NBPF3: variants seen among roughly 807,000 people sequenced by gnomAD.
The protein encoded by NBPF3 is NBPF member 3, also known as NBPF family member NBPF3.
Under a neutral mutation model 78.1 loss-of-function variants are expected in NBPF3, and 57 were observed. The ratio of observed to expected loss-of-function variants is 0.73; its 90% CI spans 0.59 to 0.91. NBPF3 has a LOEUF of 0.91. Among genes scored for constraint, NBPF3 ranks in the 40% least tolerant of loss-of-function variants. The pLI is 0.00. For missense variants in NBPF3, 510 were observed against 715.3 expected, an observed-to-expected ratio of 0.71 and a Z score of 3.27; for synonymous variants, 182 against 271.7, an observed-to-expected ratio of 0.67 and a Z score of 3.25.
At position 21,445,199 on chromosome 1, in the gene NBPF3, A is replaced by G. The variant is rs1488381645; in HGVS notation, c.113A>G (p.Gln38Arg). The part of the protein sequence containing the change: ...RAASHGVGRH[Q>R]ELRDPTVPGP... ...GCCTCACATGGTGTGGGCCGACATC[A>G]AGAGCTGCGAGATCCAACAGGTAAA... is the stretch of plus-strand genomic sequence containing the variant. The change falls in exon 2 of 15, where the codon CAA becomes CGA. Residue 38 changes from glutamine (Q) to arginine (R), a missense_variant. By Grantham distance (43) the Gln-to-Arg change is conservative (BLOSUM62 1). This residue lies in a region of NBPF3 where 440 missense variants were observed against 478.2 expected (regional missense o/e 0.92). Transcript: ENST00000318249. The G allele has an allele frequency of 1.2e-6, 2 of 1,611,794 alleles. No homozygotes were observed. Among genetic ancestry groups the G allele is most frequent in the Admixed American group, 1.7e-5 (1 of 60,000 alleles).
At chr1:21,467,243 C>T in intron 2 of NBPF3, 1 of 985,410 alleles carries the variant, frequency 1.0e-6, no homozygotes, top group Non-Finnish European at 1.2e-6. Flanking sequence ...TGATCCAGTC[C>T]TCCTTCCTTC....
At chr1:21,453,633 G>C (rs186122433) in intron 2 of NBPF3, 1 of 152,400 alleles carries the variant, frequency 6.6e-6, no homozygotes, top group East Asian at 1.9e-4. Context: ...GCAGGGATAT[G>C]TGGTGGTTAC....
At position 21,476,833 on chromosome 1, in the gene NBPF3, G is replaced by A. The variant is rs1196884357; in HGVS notation, c.993-1311G>A. Among the ~76,000 whole-genome samples, 2 of 152,124 alleles carry A rather than the reference G, an allele frequency of 1.3e-5. No individual in the cohort carries two copies. Among genetic ancestry groups the A allele is most frequent in the Admixed American group, 6.6e-5 (1 of 15,266 alleles). On this transcript the variant is annotated intron_variant, in intron 8 of 14. Transcript: ENST00000318249. This position sits in a 1 kb window ranked among gnomAD's most constrained non-coding sequence, Gnocchi z 4.1. ...TTTGAATGTTGGCCTGCTTTGCTAG[G>A]TTGGGGAAGTTCTCCTGGATAATAT...
At chr1:21,472,766 C>T (rs1454451811) in intron 5 of NBPF3, 77 bp from the exon 6 acceptor site, 22 of 998,990 alleles carry the variant, frequency 2.2e-5, no homozygotes, top group Non-Finnish European at 2.6e-5. Context: ...ATGTTCATGT[C>T]TGTGTGCACA....
chr1:21,451,077 T>G (rs1641283541), intron 2 of NBPF3, among the ~76,000 whole-genome samples: 1 of 152,196 alleles, frequency 6.6e-6, no homozygotes, highest in African/African-American at 2.4e-5. Context: ...CCATTATTAT[T>G]TATCTTTTTT....
chr1:21,449,533 G>A (rs1641182006), intron 2 of NBPF3, among the ~76,000 whole-genome samples: 2 of 152,020 alleles, frequency 1.3e-5, no homozygotes, highest in Admixed American at 6.6e-5. Flanking sequence ...ATGTAATGGC[G>A]TGATCTAGCT....
intron 2 of NBPF3, among the ~76,000 whole-genome samples, chr1:21,456,337 C>A (rs1209015581): frequency 1.3e-5 from 2 of 152,112 alleles, no homozygotes; most frequent in African/African-American, 4.8e-5. Flanking sequence ...CAAGATAGAC[C>A]ACATATGCTG....
At chr1:21,447,780 T>TGGAAAGTTCTGGTTGCTCCTCAAA (rs1234138681) in intron 2 of NBPF3, among the ~76,000 whole-genome samples, 2 of 152,232 alleles carry the variant, frequency 1.3e-5, no homozygotes, top group East Asian at 1.9e-4. Context: ...CCACTAGCGA[T>TGGAAAGTTCTGGTTGCTCCTCAAA]GGAAAGTTCT....
In NBPF3 at chr1:21,460,398, T is replaced by C. The variant is rs1445922968; in HGVS notation, c.134-8290T>C. Among the ~76,000 whole-genome samples, 1 of 152,162 alleles carries C rather than the reference T, an allele frequency of 6.6e-6. No individual in the cohort carries two copies. The highest frequency in any genetic ancestry group is 1.5e-5 in the Non-Finnish European group (1 of 68,024). ...AGCCCCCAACCCCAGGGACAGGCCG[T>C]GGTGTGTGATGTTCCCCGCCCTGTG... On this transcript the variant is annotated intron_variant, in intron 2 of 14. Transcript: ENST00000318249. The surrounding 1 kb of genome is among the most constrained non-coding windows in gnomAD (Gnocchi z 4.2).
At chr1:21,467,651 G>T (rs1298158581) in intron 2 of NBPF3, among the ~76,000 whole-genome samples, 1 of 152,166 alleles carries the variant, frequency 6.6e-6, no homozygotes, top group Non-Finnish European at 1.5e-5. Flanking sequence ...AAAACAAAAT[G>T]GAAACAACAA....
chr1:21,475,009 T>G, intron 8 of NBPF3, 58 bp downstream of exon 8: 1 of 1,475,984 alleles, frequency 6.8e-7, no homozygotes, highest in Non-Finnish European at 9.4e-7. Flanking sequence ...GTTTGTAGAT[T>G]TAGAGAAAAT....
intron 2 of NBPF3, among the ~76,000 whole-genome samples, chr1:21,457,661 A>C (rs918801666): frequency 2.6e-5 from 4 of 152,320 alleles, no homozygotes; most frequent in African/African-American, 9.6e-5. Flanking sequence ...AGCACTTGGA[A>C]GTCTTATACT....
chr1:21,465,085 A>G (rs1360420793), intron 2 of NBPF3, among the ~76,000 whole-genome samples: 2 of 151,426 alleles, frequency 1.3e-5, no homozygotes. Context: ...TGTTGTGAGG[A>G]AATGTGTTAG....
At chr1:21,478,000 A>G in intron 8 of NBPF3, 144 bp from the exon 9 acceptor site, 2 of 1,567,136 alleles carry the variant, frequency 1.3e-6, no homozygotes, top group Non-Finnish European at 1.7e-6. Flanking sequence ...ATTTAGAAGG[A>G]TAGTTTTATT....
intron 2 of NBPF3, among the ~76,000 whole-genome samples, chr1:21,449,004 A>C (rs61775934): frequency 0.26 from 39,317 of 152,096 alleles, 5,360 homozygotes; most frequent in African/African-American, 0.3. Flanking sequence ...TTGTCCACGT[A>C]CAACTCAATG....
intron 1 of NBPF3, among the ~76,000 whole-genome samples, chr1:21,441,527 C>T (rs946086012): frequency 5.3e-5 from 8 of 151,822 alleles, no homozygotes; most frequent in Admixed American, 2.0e-4. Context: ...GGCAATGTGG[C>T]AAAACCCTAT....
At chr1:21,446,456 T>TCCTTCCTC in intron 2 of NBPF3, 1 of 129,136 alleles carries the variant, frequency 7.7e-6, no homozygotes, top group South Asian at 2.5e-4. Context: ...TTTCCTTCCT[T>TCCTTCCTC]CCTTCCTTCC....
intron 1 of NBPF3, among the ~76,000 whole-genome samples, chr1:21,443,317 A>G (rs1241005594): frequency 6.6e-6 from 1 of 152,210 alleles, no homozygotes; most frequent in Non-Finnish European, 1.5e-5. Context: ...AAAATGTATT[A>G]AGTGAATTAT....
intron 2 of NBPF3, among the ~76,000 whole-genome samples, chr1:21,459,169 G>A (rs1216902896): frequency 2.0e-5 from 3 of 152,152 alleles, no homozygotes; most frequent in Non-Finnish European, 4.4e-5. Flanking sequence ...ACAGAATTCT[G>A]ATTAATATTT....
Sources: gnomAD v4.1 joint callset for allele counts (sites outside exome capture counted in the v4.1 genomes callset) on GRCh38, gnomAD v4.1.1 for gene constraint, gnomAD v4.1.1 regional missense constraint, Gnocchi (gnomAD v3.1) non-coding constraint, MANE v1.5 for transcripts, NCBI Gene and HGNC (gene_info 2026-07-23, HGNC 2026-07-21) for gene names.